Variants in SLC25A26 observed in about 807,000 individuals in gnomAD.
The protein encoded by SLC25A26 is mitochondrial S-adenosylmethionine carrier protein.
SLC25A26 carries 36 observed loss-of-function variants against 37.8 expected under a neutral mutation model. That is an observed-to-expected ratio of 0.95 (90% confidence interval 0.73 to 1.26). SLC25A26 has a LOEUF of 1.26. SLC25A26 is among the 50% of genes most tolerant of loss of function. The pLI, the probability that SLC25A26 is intolerant of heterozygous loss-of-function variation, is 0.00. For synonymous variants in SLC25A26, 129 were observed against 122.5 expected (o/e 1.05, Z -0.35); for missense variants, 390 against 331.1 (o/e 1.18, Z -1.38).
At chr3:66,282,625 G>GA (rs930964503) in intron 5 of SLC25A26, among the ~76,000 whole-genome samples, 7 of 151,266 alleles carry the variant, frequency 4.6e-5, no homozygotes, top group East Asian at 1.9e-4. Flanking sequence ...TTATTGGGCA[G>GA]AAAAAAAAAT....
rs989760685 is a variant in SLC25A26 at position 66,221,190 on chromosome 3, G to C, written c.33+63G>C. On this transcript the variant is annotated intron_variant, in intron 1 of 9. Transcript: ENST00000354883. ...CGGCGTCCGGCATTGGAGCCCGCGG[G>C]CGTTCTCTGCACTGGTTTTCTTCCG... 46 of 1,478,284 alleles carry C rather than the reference G, an allele frequency of 3.1e-5. No individual in the cohort carries two copies. In the African/African-American group the frequency reaches 6.2e-4, roughly 20 times the overall value. The allele number at this position is 1,478,284 out of a possible 1,614,324, so 91.6% of individuals were successfully genotyped here.
chr3:66,140,050 C>A lies in SLC25A26; in HGVS notation c.-354+6066C>A, dbSNP rs150666508. Among the ~76,000 whole-genome samples, 19 of 152,306 alleles carry A rather than the reference C, an allele frequency of 1.2e-4. No individual in the cohort carries two copies. In the East Asian group the frequency reaches 3.5e-3, roughly 28 times the overall value. ...TTACTGGCTCATGGAACTGAGAGAT[C>A]AGAGCTTCAGGTATGGCTGGTTCTA... On this transcript the variant is annotated intron_variant, in intron 1 of 10. Transcript: ENST00000676754.
intron 6 of SLC25A26, among the ~76,000 whole-genome samples, chr3:66,358,395 A>G (rs566293034): frequency 2.0e-5 from 3 of 152,356 alleles, no homozygotes; most frequent in African/African-American, 7.2e-5. Context: ...AATCATTTCA[A>G]ACTCATTTAA....
chr3:66,157,779 T>G (rs2070304220), intron 1 of SLC25A26, among the ~76,000 whole-genome samples: 1 of 152,208 alleles, frequency 6.6e-6, no homozygotes, highest in African/African-American at 2.4e-5. Context: ...ATCCTTCATT[T>G]TAAACATTTA....
At chr3:66,155,048 A>G (rs1421483767) in intron 1 of SLC25A26, among the ~76,000 whole-genome samples, 3 of 152,230 alleles carry the variant, frequency 2.0e-5, no homozygotes, top group African/African-American at 7.2e-5. Context: ...CATGTGCTAC[A>G]AAGTTAAATT....
chr3:66,231,481 AATT>A (rs1393600684), intron 1 of SLC25A26, among the ~76,000 whole-genome samples: 1 of 152,122 alleles, frequency 6.6e-6, no homozygotes, highest in East Asian at 1.9e-4. Flanking sequence ...AAAAATTAAT[AATT>A]CTTGTTATTT....
At chr3:66,239,816 C>CTTTTT (rs536690709) in intron 2 of SLC25A26, among the ~76,000 whole-genome samples, 147 of 109,900 alleles carry the variant, frequency 1.3e-3, no homozygotes, top group Non-Finnish European at 1.6e-3. Flanking sequence ...TCCTTTCTTT[C>CTTTTT]TTTTTTTTTT....
chr3:66,228,205 G>A (rs1241555843), intron 1 of SLC25A26, among the ~76,000 whole-genome samples: 1 of 152,204 alleles, frequency 6.6e-6, no homozygotes, highest in Non-Finnish European at 1.5e-5. Context: ...AATCATGCAA[G>A]GACCACAACT....
At chr3:66,201,926 AG>A (rs2071116068) in intron 1 of SLC25A26, among the ~76,000 whole-genome samples, 1 of 152,234 alleles carries the variant, frequency 6.6e-6, no homozygotes, top group African/African-American at 2.4e-5. Context: ...ATAGGACAAA[AG>A]AGTGAAAGCA....
At chr3:66,359,443 C>T (rs949793752) in intron 6 of SLC25A26, among the ~76,000 whole-genome samples, 1 of 152,198 alleles carries the variant, frequency 6.6e-6, no homozygotes, top group Non-Finnish European at 1.5e-5. Flanking sequence ...CTGTTATTTA[C>T]TTTTGCTTAT....
chr3:66,315,929 T>G (rs903487701), intron 5 of SLC25A26, among the ~76,000 whole-genome samples: 4 of 152,222 alleles, frequency 2.6e-5, no homozygotes, highest in Non-Finnish European at 4.4e-5. Context: ...AGACTAGGAT[T>G]GTAACACGTG....
At chr3:66,331,678 T>A (rs1321725472) in intron 5 of SLC25A26, among the ~76,000 whole-genome samples, 1 of 152,218 alleles carries the variant, frequency 6.6e-6, no homozygotes, top group Non-Finnish European at 1.5e-5. Flanking sequence ...AAAAAATGTC[T>A]TGTTACTTTG....
At chr3:66,305,644 T>G (rs561257722) in intron 5 of SLC25A26, among the ~76,000 whole-genome samples, 1 of 151,194 alleles carries the variant, frequency 6.6e-6, no homozygotes, top group East Asian at 2.0e-4. Flanking sequence ...CCCCAGAGTG[T>G]GTTGTTTCCC....
At chr3:66,161,598 A>G (rs529244434) in intron 1 of SLC25A26, among the ~76,000 whole-genome samples, 2 of 152,336 alleles carry the variant, frequency 1.3e-5, no homozygotes, top group East Asian at 3.9e-4. Flanking sequence ...TAGCGAGTTC[A>G]GGTAAACTAG....
At chr3:66,197,511 G>A (rs1213789692) in intron 1 of SLC25A26, among the ~76,000 whole-genome samples, 5 of 152,088 alleles carry the variant, frequency 3.3e-5, no homozygotes, top group African/African-American at 1.2e-4. Context: ...TCAGGGATGG[G>A]GTCAGGGTCA....
intron 1 of SLC25A26, among the ~76,000 whole-genome samples, chr3:66,159,561 G>A (rs1257497234): frequency 6.6e-6 from 1 of 152,102 alleles, no homozygotes; most frequent in African/African-American, 2.4e-5. Flanking sequence ...TTCTTGGAAT[G>A]GAACCTCCTA....
At chr3:66,332,823 G>C (rs1324933732) in intron 5 of SLC25A26, among the ~76,000 whole-genome samples, 1 of 152,128 alleles carries the variant, frequency 6.6e-6, no homozygotes, top group African/African-American at 2.4e-5. Flanking sequence ...TGCTGCTCTT[G>C]TCTCTCCTGT....
chr3:66,169,909 A>G (rs1029601659), intron 1 of SLC25A26, among the ~76,000 whole-genome samples: 1 of 152,170 alleles, frequency 6.6e-6, no homozygotes, highest in East Asian at 1.9e-4. Flanking sequence ...CTGAAATTAT[A>G]TGTATATTTT....
At chr3:66,373,088 T>C (rs538875196) in intron 9 of SLC25A26, among the ~76,000 whole-genome samples, 20 of 152,324 alleles carry the variant, frequency 1.3e-4, no homozygotes, top group African/African-American at 4.8e-4. Context: ...TTCAGCCCCG[T>C]AGCCAAAGGC....
Sources: gnomAD v4.1 joint callset for allele counts (sites outside exome capture counted in the v4.1 genomes callset) on GRCh38, gnomAD v4.1.1 for gene constraint, MANE v1.5 for transcripts, NCBI Gene and HGNC (gene_info 2026-07-23, HGNC 2026-07-21) for gene names.